TRHDE: variants seen among roughly 807,000 people sequenced by gnomAD.
TRHDE encodes the protein thyrotropin-releasing hormone-degrading ectoenzyme.
A neutral mutation model predicts 125.7 loss-of-function variants in TRHDE; 72 were observed. The observed-to-expected ratio is 0.57, with a 90% CI of 0.47 to 0.70. The LOEUF (loss-of-function observed/expected upper bound fraction) is 0.70. TRHDE is among the 30% of genes least tolerant of loss of function. The pLI is 0.00. For synonymous variants in TRHDE, 509 were observed against 509.1 expected, an observed-to-expected ratio of 1.00 and a Z score of 0.00; for missense variants, 1,110 against 1,327.1, an observed-to-expected ratio of 0.84 and a Z score of 2.54.
chr12:72,127,647 A>G (rs995687141), intron 2 of TRHDE, among the ~76,000 whole-genome samples: 2 of 152,198 alleles, frequency 1.3e-5, no homozygotes, highest in African/African-American at 2.4e-5. Flanking sequence ...TCATGGACAT[A>G]AAGATGGCAA....
intron 2 of TRHDE, among the ~76,000 whole-genome samples, chr12:72,312,746 A>T (rs575493028): frequency 6.6e-6 from 1 of 152,260 alleles, no homozygotes; most frequent in South Asian, 2.1e-4. Context: ...TATGCCACTT[A>T]AAAAAATGAG....
intron 2 of TRHDE, among the ~76,000 whole-genome samples, chr12:72,335,561 T>A (rs868859345): frequency 6.6e-6 from 1 of 152,194 alleles, no homozygotes; most frequent in Non-Finnish European, 1.5e-5. Flanking sequence ...ACACACACAA[T>A]CATTCATTAA....
chr12:72,202,300 C>A (rs2628422), intron 2 of TRHDE, among the ~76,000 whole-genome samples: 1 of 152,234 alleles, frequency 6.6e-6, no homozygotes, highest in East Asian at 1.9e-4. Flanking sequence ...AGAGTAAGGT[C>A]ATGTATTTAT....
chr12:72,170,657 G>T (rs553631855), intron 2 of TRHDE, among the ~76,000 whole-genome samples: 1 of 152,230 alleles, frequency 6.6e-6, no homozygotes, highest in East Asian at 1.9e-4. Context: ...GACTCAAAAG[G>T]TCTGGGGTGG....
intron 2 of TRHDE, among the ~76,000 whole-genome samples, chr12:72,153,261 A>T (rs1464075962): frequency 6.6e-6 from 1 of 151,996 alleles, no homozygotes; most frequent in Non-Finnish European, 1.5e-5. Context: ...ATCATTTTTA[A>T]TTGCGCCTAT....
chr12:72,429,549 G>T (rs929493357), intron 3 of TRHDE, among the ~76,000 whole-genome samples: 1 of 151,904 alleles, frequency 6.6e-6, no homozygotes, highest in Non-Finnish European at 1.5e-5. Context: ...ATGGCTAGGG[G>T]TGGAATTACT....
intron 2 of TRHDE, among the ~76,000 whole-genome samples, chr12:72,219,577 G>A (rs1877962465): frequency 6.6e-6 from 1 of 152,104 alleles, no homozygotes; most frequent in African/African-American, 2.4e-5. Flanking sequence ...AGCCCTGGGG[G>A]TCCACATGAC....
At chr12:72,398,194 T>C (rs1592416459) in intron 3 of TRHDE, among the ~76,000 whole-genome samples, 1 of 152,076 alleles carries the variant, frequency 6.6e-6, no homozygotes, top group South Asian at 2.1e-4. Context: ...TAGTATTCCA[T>C]GGTGTATATG....
intron 2 of TRHDE, among the ~76,000 whole-genome samples, chr12:72,342,267 T>C (rs1300043814): frequency 6.6e-6 from 1 of 152,120 alleles, no homozygotes; most frequent in East Asian, 1.9e-4. Context: ...ACTTGAGCAA[T>C]GTGGTTTAAG....
chr12:72,598,741 T>C (rs186272133), intron 12 of TRHDE, among the ~76,000 whole-genome samples: 4 of 152,148 alleles, frequency 2.6e-5, no homozygotes, highest in Non-Finnish European at 5.9e-5. Flanking sequence ...TTTCAACTTT[T>C]TTTTAGATTC....
intron 3 of TRHDE, among the ~76,000 whole-genome samples, chr12:72,408,946 G>A (rs1216587091): frequency 7.2e-5 from 11 of 152,160 alleles, no homozygotes; most frequent in Admixed American, 7.2e-4. Flanking sequence ...AGAAGAGGAG[G>A]ATAGAAAGAA....
At chr12:72,589,108 C>T (rs1003404304) in intron 12 of TRHDE, among the ~76,000 whole-genome samples, 5 of 152,070 alleles carry the variant, frequency 3.3e-5, no homozygotes, top group Non-Finnish European at 7.4e-5. Flanking sequence ...AACGATATCA[C>T]CTGGTAAGGA....
intron 1 of TRHDE, among the ~76,000 whole-genome samples, chr12:72,282,702 C>G (rs1879740461): frequency 6.6e-6 from 1 of 152,216 alleles, no homozygotes; most frequent in Admixed American, 6.5e-5. Flanking sequence ...TCTGTGCTAC[C>G]TGTAGTCAAC....
chr12:72,094,459 G>A (rs1172930688), intron 1 of TRHDE, among the ~76,000 whole-genome samples: 1 of 152,230 alleles, frequency 6.6e-6, no homozygotes, highest in Non-Finnish European at 1.5e-5. Flanking sequence ...TAGCTGAGAG[G>A]GCTTAAGCTG....
At chr12:72,418,660 A>G (rs1288310604) in intron 3 of TRHDE, among the ~76,000 whole-genome samples, 2 of 152,138 alleles carry the variant, frequency 1.3e-5, no homozygotes, top group African/African-American at 4.8e-5. Context: ...ACAATAGAAC[A>G]GCTTTCATCG....
chr12:72,377,172 G>T (rs746552823), intron 2 of TRHDE, among the ~76,000 whole-genome samples: 3 of 152,120 alleles, frequency 2.0e-5, no homozygotes, highest in Non-Finnish European at 4.4e-5. Flanking sequence ...GACCACATCT[G>T]TGAAAAATAG....
intron 2 of TRHDE, among the ~76,000 whole-genome samples, chr12:72,216,510 A>G (rs1460190406): frequency 1.3e-5 from 2 of 152,168 alleles, no homozygotes; most frequent in Non-Finnish European, 2.9e-5. Context: ...AGAGGAGGGA[A>G]TATGGTGGTC....
chr12:72,408,663 A>T (rs901534084), intron 3 of TRHDE, among the ~76,000 whole-genome samples: 6 of 152,226 alleles, frequency 3.9e-5, no homozygotes, highest in African/African-American at 1.4e-4. Context: ...AAATAAAAAT[A>T]TTCCTATAAT....
At chr12:72,512,334 C>T (rs1878612134) in intron 6 of TRHDE, among the ~76,000 whole-genome samples, 1 of 146,900 alleles carries the variant, frequency 6.8e-6, no homozygotes, top group Admixed American at 7.0e-5. Flanking sequence ...CATCAGTAGT[C>T]ATAATGAAAA....
Sources: allele counts gnomAD v4.1 joint callset (sites outside exome capture counted in the v4.1 genomes callset), GRCh38; gene constraint gnomAD v4.1.1; transcripts MANE v1.5; gene names NCBI Gene and HGNC (gene_info 2026-07-23, HGNC 2026-07-21).